The following TAFA5 variants were observed in gnomAD, a reference collection of about 807,000 sequenced individuals.
TAFA5 encodes TAFA chemokine like family member 5.
Under a neutral mutation model 15.3 loss-of-function variants are expected in TAFA5, and 6 were observed. The ratio of observed to expected loss-of-function variants is 0.39; its 90% CI spans 0.21 to 0.77. TAFA5 has a LOEUF of 0.77. Ranked by LOEUF, TAFA5 falls within the 30% of genes least tolerant of loss-of-function variation. The pLI, the probability that TAFA5 is intolerant of heterozygous loss-of-function variation, is 0.41. For missense variants in TAFA5, 161 were observed against 193.1 expected, an observed-to-expected ratio of 0.83 and a Z score of 0.98; for synonymous variants, 103 against 80.7, an observed-to-expected ratio of 1.28 and a Z score of -1.48.
At chr22:48,631,691 C>T (rs1442715750) in intron 1 of TAFA5, among the ~76,000 whole-genome samples, 1 of 152,320 alleles carries the variant, frequency 6.6e-6, no homozygotes, top group East Asian at 1.9e-4. Context: ...TTGCTCTTGC[C>T]CGACCACAGC....
At chr22:48,697,141 C>T (rs79870068) in intron 2 of TAFA5, among the ~76,000 whole-genome samples, 1,852 of 152,304 alleles carry the variant, frequency 0.012, 17 homozygotes, top group Non-Finnish European at 0.019. Flanking sequence ...GGAAAGAAGA[C>T]AGGCCACTGG....
chr22:48,644,608 C>T (rs1001997298), intron 1 of TAFA5, among the ~76,000 whole-genome samples: 2 of 152,190 alleles, frequency 1.3e-5, no homozygotes, highest in Admixed American at 1.3e-4. Context: ...TCCTCCAAGC[C>T]GCACCCTGCC....
intron 1 of TAFA5, among the ~76,000 whole-genome samples, chr22:48,616,332 G>A (rs1473084140): frequency 6.6e-6 from 1 of 152,218 alleles, no homozygotes; most frequent in East Asian, 1.9e-4. Flanking sequence ...TCTGGTCGAG[G>A]CCTGATGAGC....
chr22:48,627,527 C>A (rs1010446670), intron 1 of TAFA5, among the ~76,000 whole-genome samples: 7 of 152,384 alleles, frequency 4.6e-5, no homozygotes, highest in African/African-American at 1.7e-4. Flanking sequence ...CCTGCCCCCC[C>A]AGGTAGTTCC....
At chr22:48,721,943 C>G (rs1929581193) in intron 3 of TAFA5, among the ~76,000 whole-genome samples, 1 of 151,718 alleles carries the variant, frequency 6.6e-6, no homozygotes, top group Admixed American at 6.6e-5. Flanking sequence ...CACCACTGCA[C>G]TCCAGCCCAG....
chr22:48,691,572 G>A (rs1928542263), intron 2 of TAFA5, among the ~76,000 whole-genome samples: 1 of 152,226 alleles, frequency 6.6e-6, no homozygotes, highest in Admixed American at 6.5e-5. Flanking sequence ...CACAGTCGCA[G>A]TGGCATGGCT....
intron 1 of TAFA5, among the ~76,000 whole-genome samples, chr22:48,514,402 T>C (rs764297834): frequency 6.6e-6 from 1 of 152,240 alleles, no homozygotes; most frequent in Non-Finnish European, 1.5e-5. Flanking sequence ...TCCTTCTTCA[T>C]AGATTTAATT....
intron 2 of TAFA5, among the ~76,000 whole-genome samples, chr22:48,702,616 T>C (rs1928946011): frequency 6.6e-6 from 1 of 152,140 alleles, no homozygotes; most frequent in African/African-American, 2.4e-5. Context: ...GGATGGGTAA[T>C]GACGTTTGTC....
intron 2 of TAFA5, among the ~76,000 whole-genome samples, chr22:48,654,057 C>T (rs150619393): frequency 4.6e-5 from 7 of 151,904 alleles, no homozygotes; most frequent in East Asian, 1.9e-4. Context: ...CTCCATGTCC[C>T]GTCACGTCGG....
intron 2 of TAFA5, among the ~76,000 whole-genome samples, chr22:48,672,309 G>T (rs1027193013): frequency 2.6e-5 from 4 of 152,190 alleles, no homozygotes; most frequent in African/African-American, 9.7e-5. Context: ...TTCACAACTA[G>T]CATCCAACAT....
intron 3 of TAFA5, among the ~76,000 whole-genome samples, 172 bp downstream of exon 3, chr22:48,708,016 TGACCATCTGTC>T: frequency 6.8e-5 from 1 of 14,674 alleles, no homozygotes; most frequent in African/African-American, 2.4e-4. Context: ...GCTAAATTCC[TGACCATCTGTC>T]CTGGGGCAGA....
chr22:48,728,405 G>A (rs1490191199), intron 3 of TAFA5, among the ~76,000 whole-genome samples: 1 of 152,218 alleles, frequency 6.6e-6, no homozygotes, highest in Non-Finnish European at 1.5e-5. Context: ...GCTGGATGGA[G>A]CAACTGCCAG....
At chr22:48,698,204 T>TGATG (rs977801238) in intron 2 of TAFA5, among the ~76,000 whole-genome samples, 1 of 151,032 alleles carries the variant, frequency 6.6e-6, no homozygotes, top group Non-Finnish European at 1.5e-5. Context: ...GTGACAATAA[T>TGATG]GATGGTGATG....
At chr22:48,694,816 GCCGCCGCTCCGACCTCCGCCCCCACCCC>G (rs1365711133) in intron 2 of TAFA5, among the ~76,000 whole-genome samples, 2,099 of 43,624 alleles carry the variant, frequency 0.048, 68 homozygotes, top group African/African-American at 0.13. Flanking sequence ...GCCCCCACCC[GCCGCCGCTCCGACCTCCGCCCCCACCCC>G]CCGCCGCTCC....
chr22:48,665,636 A>G (rs891320311), intron 2 of TAFA5, among the ~76,000 whole-genome samples: 1 of 152,134 alleles, frequency 6.6e-6, no homozygotes, highest in Non-Finnish European at 1.5e-5. Context: ...ATTTATTGAA[A>G]AGTTCTAGCC....
intron 2 of TAFA5, among the ~76,000 whole-genome samples, chr22:48,702,451 C>A (rs956398522): frequency 2.6e-5 from 4 of 152,108 alleles, no homozygotes; most frequent in African/African-American, 9.7e-5. Flanking sequence ...TAGGCAGGGG[C>A]TCCCTGGCTC....
chr22:48,641,365 C>T (rs1269581787), intron 1 of TAFA5, among the ~76,000 whole-genome samples: 1 of 152,118 alleles, frequency 6.6e-6, no homozygotes, highest in African/African-American at 2.4e-5. Context: ...GGGATGTGTT[C>T]CGGGAGGGGC....
At chr22:48,576,322 T>C (rs1601589370) in intron 1 of TAFA5, 1 of 979,286 alleles carries the variant, frequency 1.0e-6, no homozygotes, top group South Asian at 4.8e-5. Flanking sequence ...ACAAATCGCC[T>C]CCCGGAGTGG....
intron 2 of TAFA5, among the ~76,000 whole-genome samples, chr22:48,685,999 A>G (rs1224422023): frequency 2.0e-5 from 3 of 150,946 alleles, no homozygotes; most frequent in Non-Finnish European, 4.4e-5. Context: ...CCGGGAGTAC[A>G]CGCAGGCCCC....
Sources: allele counts gnomAD v4.1 joint callset (sites outside exome capture counted in the v4.1 genomes callset), GRCh38; gene constraint gnomAD v4.1.1; transcripts MANE v1.5; gene names NCBI Gene and HGNC (gene_info 2026-07-23, HGNC 2026-07-21).